The following KHNYN variants were observed in gnomAD, a reference collection of about 807,000 sequenced individuals.
KHNYN encodes the protein protein KHNYN.
In KHNYN, 42 loss-of-function variants were observed where a neutral mutation model predicts 62.7. The observed-to-expected ratio is 0.67, with a 90% CI of 0.52 to 0.87. The LOEUF (loss-of-function observed/expected upper bound fraction) is 0.87. KHNYN is among the 40% of genes least tolerant of loss of function. The pLI, the probability that KHNYN is intolerant of heterozygous loss-of-function variation, is 0.00. For missense variants in KHNYN, 829 were observed against 874.1 expected (o/e 0.95, Z 0.65); for synonymous variants, 347 against 345.6 (o/e 1.00, Z -0.04).
upstream of KHNYN, chr14:24,428,093 G>T (rs2139369655): frequency 7.3e-7 from 1 of 1,377,618 alleles, no homozygotes; most frequent in Non-Finnish European, 1.0e-6. Flanking sequence ...GGGCTCTCCC[G>T]GGAGGGCTGA....
At position 24,441,591 on chromosome 14, in the gene KHNYN, C is replaced by A; in HGVS notation, c.*4306C>A. ...TCATTTTGCCTGGAAAAGACCAGTG[C>A]TCTGGTGTGTGCATAGCTACAGAGG... On this transcript the variant is annotated 3_prime_UTR_variant, in exon 8 of 8. Coordinates refer to ENST00000553935, the MANE Select transcript of KHNYN (RefSeq NM_015299.3). 8.3e-7 allele frequency: 1 copy of A among 1,201,894 alleles called. No individual in the cohort carries two copies. Among genetic ancestry groups the A allele is most frequent in the South Asian group, 1.5e-5 (1 of 65,520 alleles). The allele number at this position is 1,201,894 out of a possible 1,614,324, so 74.5% of individuals were successfully genotyped here.
In KHNYN at chr14:24,436,062, T is replaced by C. The variant is rs1254915583; in HGVS notation, c.1578-10T>C. ...CAACCCTCTCTCGGTTGCTGTGGTT[T>C]TGGAGACAGGTTCATGGTGAAGCTG... On this transcript the variant is annotated splice_polypyrimidine_tract_variant and intron_variant, in intron 5 of 7. Transcript: ENST00000553935. 4.3e-6 allele frequency: 7 copies of C among 1,611,376 alleles called. No homozygotes were observed. Among genetic ancestry groups the C allele is most frequent in the Non-Finnish European group, 5.9e-6 (7 of 1,177,662 alleles).
chr14:24,427,293 A>G (rs553324793), upstream of KHNYN: 1 of 172,610 alleles, frequency 5.8e-6, no homozygotes, highest in Admixed American at 5.7e-5. The surrounding 1 kb of genome is among the most constrained non-coding windows in gnomAD (Gnocchi z 4.4). Flanking sequence ...CCTAGCCCAT[A>G]CGGTGCTGGT....
upstream of KHNYN, chr14:24,428,760 C>T (rs201024767): frequency 5.7e-6 from 9 of 1,585,118 alleles, no homozygotes; most frequent in East Asian, 4.5e-5. Context: ...ATTACCTGGT[C>T]GAAGTAGATG....
At chr14:24,436,916 A>G in intron 7 of KHNYN, 120 bp from the exon 8 acceptor site, 1 of 1,330,206 alleles carries the variant, frequency 7.5e-7, no homozygotes, top group Non-Finnish European at 1.0e-6. Flanking sequence ...AGCTTCAGGA[A>G]CTTCAGGATT....
chr14:24,432,779 C>T lies in KHNYN; in HGVS notation c.1407C>T (p.Phe469=). The T allele has an allele frequency of 1.2e-6, 2 of 1,614,224 alleles. No homozygotes were observed. Among genetic ancestry groups the T allele is most frequent in the Non-Finnish European group, 1.7e-6 (2 of 1,180,034 alleles). The change falls in exon 4 of 8, where the codon TTC becomes TTT. Residue 469 remains phenylalanine (F), a synonymous_variant. Coordinates refer to ENST00000553935, the MANE Select transcript of KHNYN (RefSeq NM_015299.3). This position sits in a 1 kb window ranked among gnomAD's most constrained non-coding sequence, Gnocchi z 5.6. ...SRGIAIAVQY[F]WDRGHRDITV... is the part of the protein sequence containing the mutation. ...GCATTGCCATTGCTGTGCAGTACTT[C>T]TGGGACCGTGGTCACCGTGACATAA...
chr14:24,437,024 G>A lies in KHNYN; in HGVS notation c.1788-12G>A. 1 of 1,607,760 alleles carries A rather than the reference G, an allele frequency of 6.2e-7. No individual in the cohort carries two copies. The highest frequency in any genetic ancestry group is 8.5e-7 in the Non-Finnish European group (1 of 1,175,848). On this transcript the variant is annotated splice_polypyrimidine_tract_variant and intron_variant, in intron 7 of 7. Coordinates refer to ENST00000553935, the MANE Select transcript of KHNYN (RefSeq NM_015299.3). This position sits in a 1 kb window ranked among gnomAD's most constrained non-coding sequence, Gnocchi z 5.5. ...GATGCTCATCAGCTCTTTTTGGTCTGTTTCTTCCCAGGACACAGGGGTCTT... is the reference window on the plus strand; with the variant it reads ...GATGCTCATCAGCTCTTTTTGGTCTATTTCTTCCCAGGACACAGGGGTCTT...
upstream of KHNYN, among the ~76,000 whole-genome samples, chr14:24,425,420 G>A (rs2043010552): frequency 6.6e-6 from 1 of 152,172 alleles, no homozygotes; most frequent in Non-Finnish European, 1.5e-5. Flanking sequence ...TTCTTTCAAG[G>A]AAAGAGATGT....
chr14:24,429,389 TG>T, upstream of KHNYN: 1 of 596,408 alleles, frequency 1.7e-6, no homozygotes, highest in African/African-American at 1.8e-5. Flanking sequence ...GGGCTGGACC[TG>T]GGGGGATGGA....
At position 24,436,389 on chromosome 14, in the gene KHNYN, C is replaced by T. The variant is rs1353809528; in HGVS notation, c.1687C>T (p.Leu563=). 6.2e-7 allele frequency: 1 copy of T among 1,613,944 alleles called. No homozygotes were observed. The change falls in exon 7 of 8, where the codon CTG becomes TTG. Residue 563 remains leucine (L), a splice_region_variant and synonymous_variant. Coordinates refer to ENST00000553935, the MANE Select transcript of KHNYN (RefSeq NM_015299.3). ...CACACATTATCTTTCGCCATCCAGC[C>T]TGCTGCCCTTTACCTTTGTGGGAAA... ...EKWMAIIRER[L]LPFTFVGNLF...
Position 24,432,039 on chromosome 14 carries a change from G to A in KHNYN, c.778G>A (p.Gly260Arg), listed in dbSNP as rs771907195. 2 of 1,601,692 alleles carry A rather than the reference G, an allele frequency of 1.2e-6. No individual in the cohort carries two copies. The highest frequency in any genetic ancestry group is 1.1e-5 in the South Asian group (1 of 89,534). The change falls in exon 3 of 8, where the codon GGG becomes AGG. Residue 260 changes from glycine (G) to arginine (R), a missense_variant. Physicochemically the swap from Gly to Arg is moderately radical, Grantham distance 125. Transcript: ENST00000553935. The surrounding 1 kb of genome is among the most constrained non-coding windows in gnomAD (Gnocchi z 5.6). ...CACTTACGCTGTGGAGAAGGAGGGA[G>A]GGAAACAGGGTGGTCCCAGGGAGAT... The part of the protein sequence containing the change: ...GDTYAVEKEG[G>R]KQGGPREMDW...
rs750333826 is a variant in KHNYN, at chr14:24,431,741, G to A, written c.480G>A (p.Val160=). The A allele has an allele frequency of 6.2e-7, 1 of 1,614,202 alleles. No individual in the cohort carries two copies. The highest frequency in any genetic ancestry group is 2.2e-5 in the East Asian group (1 of 44,884). The part of the protein sequence containing the change: ...PSSGASQCTG[V]LRDFSALLQS... ...CCGGAGCCTCTCAGTGTACTGGAGTGCTGAGAGACTTCTCTGCCCTGCTGC... is the reference window on the plus strand; with the variant it reads ...CCGGAGCCTCTCAGTGTACTGGAGTACTGAGAGACTTCTCTGCCCTGCTGC... Residue 160 remains valine, a synonymous_variant, in exon 3 of 8, where the codon GTG becomes GTA. Transcript: ENST00000553935.
Position 24,440,771 on chromosome 14 carries a change from C to G in KHNYN, c.*3486C>G. On this transcript the variant is annotated 3_prime_UTR_variant, in exon 8 of 8. Coordinates refer to ENST00000553935, the MANE Select transcript of KHNYN (RefSeq NM_015299.3). ...ATTCCAACCCTGTCTGATACCCAGG[C>G]CCGTTTCTCACCTGAGCGCACCACC... The G allele has an allele frequency of 6.2e-7, 1 of 1,613,336 alleles. No individual in the cohort carries two copies. The highest frequency in any genetic ancestry group is 8.5e-7 in the Non-Finnish European group (1 of 1,179,490).
In KHNYN at chr14:24,441,296, AG is replaced by A. The variant is rs2043331445; in HGVS notation, c.*4014del. On this transcript the variant is annotated 3_prime_UTR_variant, in exon 8 of 8. Transcript: ENST00000553935. Reference sequence around the variant, plus strand: ...ATGGGAATAATAGTACCTACCTCATAGGGTTGTTGTAAGGAATAAATGATAA... The same window carrying A: ...ATGGGAATAATAGTACCTACCTCATAGGTTGTTGTAAGGAATAAATGATAA... 2.3e-6 allele frequency: 1 copy of A among 442,766 alleles called. No individual in the cohort carries two copies. The highest frequency in any genetic ancestry group is 4.1e-6 in the Non-Finnish European group (1 of 243,620). 27.4% of individuals were successfully genotyped at this position (442,766 alleles called of 1,614,324 possible). A position where few individuals can be genotyped will look rare whatever the true frequency, so the allele number is the denominator to read the frequency against.
chr14:24,429,129 C>T (rs1050090560), upstream of KHNYN: 81 of 1,426,332 alleles, frequency 5.7e-5, no homozygotes, highest in Non-Finnish European at 7.0e-5. Context: ...TCCCTGGATT[C>T]TCACCGCCGG....
chr14:24,428,613 G>T, upstream of KHNYN: 2 of 1,093,156 alleles, frequency 1.8e-6, no homozygotes, highest in Non-Finnish European at 1.3e-6. Flanking sequence ...TCGGTGGGGT[G>T]GTGGGGCAAT....
intron 7 of KHNYN, 95 bp from the exon 8 acceptor site, chr14:24,436,941 A>G (rs941982625): frequency 6.8e-7 from 1 of 1,480,520 alleles, no homozygotes. Flanking sequence ...CCCCAAAGCC[A>G]GGAATAGGCA....
chr14:24,436,534 C>A, intron 7 of KHNYN, 45 bp downstream of exon 7: 3 of 1,412,976 alleles, frequency 2.1e-6, no homozygotes, highest in Middle Eastern at 1.8e-4. Context: ...CCACCCCTGG[C>A]CCTCTCTCAG....
chr14:24,430,873 A>G lies in KHNYN; in HGVS notation c.143A>G (p.Asp48Gly), dbSNP rs2043096166. 13 of 1,614,012 alleles carry G rather than the reference A, an allele frequency of 8.1e-6. No individual in the cohort carries two copies. The highest frequency in any genetic ancestry group is 1.1e-5 in the Non-Finnish European group (13 of 1,179,964). ...GVSVLPKDCP[D>G]NPHIWLQLEG... ...AGCGTCCTTCCGAAGGACTGTCCGGACAACCCCCACATCTGGCTGCAGCTG... is the reference window on the plus strand; with the variant it reads ...AGCGTCCTTCCGAAGGACTGTCCGGGCAACCCCCACATCTGGCTGCAGCTG... The change falls in exon 2 of 8, where the codon GAC (aspartate) becomes GGC (glycine). Residue 48 changes from aspartate (D) to glycine (G), a missense_variant. Asp to Gly is a moderately conservative substitution (Grantham distance 94). This residue lies in a region of KHNYN where 559 missense variants were observed against 527.0 expected (regional missense o/e 1.06). Coordinates refer to ENST00000553935, the MANE Select transcript of KHNYN (RefSeq NM_015299.3).
Sources: gnomAD v4.1 joint callset for allele counts (sites outside exome capture counted in the v4.1 genomes callset) on GRCh38, gnomAD v4.1.1 for gene constraint, gnomAD v4.1.1 regional missense constraint, Gnocchi (gnomAD v3.1) non-coding constraint, MANE v1.5 for transcripts, NCBI Gene and HGNC (gene_info 2026-07-23, HGNC 2026-07-21) for gene names.